The following RANBP17 variants were observed in gnomAD, a reference collection of about 807,000 sequenced individuals.
The protein encoded by RANBP17 is ran-binding protein 17.
In RANBP17, 158 loss-of-function variants were observed where a neutral mutation model predicts 141.2. The ratio of observed to expected loss-of-function variants is 1.12; its 90% confidence interval spans 0.98 to 1.28. RANBP17 has a LOEUF of 1.28. Ranked by LOEUF, RANBP17 falls within the 50% of genes most tolerant of loss-of-function variation. The pLI is 0.00. For synonymous variants in RANBP17, 430 were observed against 450.0 expected (o/e 0.96, Z 0.56); for missense variants, 1,438 against 1,290.7 (o/e 1.11, Z -1.75).
At chr5:171,083,460 G>GTTGT (rs1785392277) in intron 14 of RANBP17, among the ~76,000 whole-genome samples, 1 of 152,152 alleles carries the variant, frequency 6.6e-6, no homozygotes, top group South Asian at 2.1e-4. Flanking sequence ...ATAAATTTCT[G>GTTGT]TTGTTTCTAA....
intron 16 of RANBP17, among the ~76,000 whole-genome samples, chr5:171,180,061 T>A (rs1245922879): frequency 6.6e-6 from 1 of 152,220 alleles, no homozygotes; most frequent in African/African-American, 2.4e-5. Flanking sequence ...CATAACCACA[T>A]GGCTAGAGAC....
chr5:170,891,270 A>G (rs1283532816), intron 3 of RANBP17, among the ~76,000 whole-genome samples: 1 of 152,242 alleles, frequency 6.6e-6, no homozygotes, highest in Non-Finnish European at 1.5e-5. Context: ...GCATAGTACA[A>G]TAAATATGAC....
chr5:170,992,826 T>G (rs1215037581), intron 14 of RANBP17, among the ~76,000 whole-genome samples: 1 of 152,014 alleles, frequency 6.6e-6, no homozygotes, highest in South Asian at 2.1e-4. Context: ...GGCCTCAAAC[T>G]GAGGTCCCAG....
intron 18 of RANBP17, among the ~76,000 whole-genome samples, chr5:171,193,174 C>T (rs1409910121): frequency 1.3e-5 from 2 of 152,178 alleles, no homozygotes; most frequent in African/African-American, 2.4e-5. Context: ...ACCAGAGCTT[C>T]ATTACACCTA....
intron 6 of RANBP17, chr5:170,910,283 A>G (rs1284809438): frequency 6.5e-6 from 1 of 153,192 alleles, no homozygotes; most frequent in African/African-American, 2.4e-5. Flanking sequence ...TGTATAATAT[A>G]GGGACTCCAT....
chr5:171,250,875 A>G (rs1765513774), intron 24 of RANBP17, among the ~76,000 whole-genome samples: 2 of 152,210 alleles, frequency 1.3e-5, no homozygotes, highest in East Asian at 1.9e-4. Context: ...ACTACAATAT[A>G]ATAATAGTGG....
chr5:170,961,447 A>G (rs1319749045), intron 13 of RANBP17, among the ~76,000 whole-genome samples: 2 of 152,228 alleles, frequency 1.3e-5, no homozygotes, highest in Non-Finnish European at 2.9e-5. Flanking sequence ...ATAATTTAAG[A>G]TAAACGAATA....
Position 171,299,565 on chromosome 5 carries a change from CCA to C in RANBP17, c.*708_*709del, listed in dbSNP as rs1396489772. ...TTTCTTCAGGAGGAGTCATGTAGCC[CCA>C]GTCAGAAGTTCTGGGTGGTGCCAGC... On this transcript the variant is annotated 3_prime_UTR_variant, in exon 28 of 28. Transcript: ENST00000523189. 2.2e-5 allele frequency: 5 copies of C among 232,280 alleles called. No individual in the cohort carries two copies. The highest frequency in any genetic ancestry group is 1.1e-4 in the African/African-American group (5 of 45,374). 14.4% of individuals were successfully genotyped at this position (232,280 alleles called of 1,614,324 possible). A position where few individuals can be genotyped will look rare whatever the true frequency, so the allele number is the denominator to read the frequency against.
chr5:171,012,189 T>A (rs1272902871), intron 14 of RANBP17, among the ~76,000 whole-genome samples: 2 of 151,988 alleles, frequency 1.3e-5, no homozygotes, highest in African/African-American at 4.8e-5. Context: ...TAATTCTTAA[T>A]AAATTGTTTT....
intron 14 of RANBP17, among the ~76,000 whole-genome samples, chr5:171,096,109 AG>A (rs1786671266): frequency 6.6e-6 from 1 of 152,156 alleles, no homozygotes; most frequent in African/African-American, 2.4e-5. Flanking sequence ...GTGGAAGGGG[AG>A]GAAGAAGTGG....
At chr5:170,892,338 A>G (rs776167854) in intron 3 of RANBP17, 49 bp from the exon 4 acceptor site, 66 of 1,273,218 alleles carry the variant, frequency 5.2e-5, no homozygotes, top group Admixed American at 1.1e-4. Flanking sequence ...GATTCACACT[A>G]TGTTGTTTCT....
intron 14 of RANBP17, among the ~76,000 whole-genome samples, chr5:171,101,883 C>G (rs549675006): frequency 1.2e-4 from 19 of 152,254 alleles, no homozygotes; most frequent in South Asian, 8.3e-4. Flanking sequence ...GAAATTCTGG[C>G]TTGAAAATTC....
At chr5:170,895,032 C>T (rs540859513) in intron 4 of RANBP17, among the ~76,000 whole-genome samples, 3 of 152,214 alleles carry the variant, frequency 2.0e-5, no homozygotes, top group Non-Finnish European at 4.4e-5. Flanking sequence ...GTCAGGGTAC[C>T]ACACTTTGGG....
At chr5:171,029,974 C>G (rs1223684014) in intron 14 of RANBP17, among the ~76,000 whole-genome samples, 1 of 151,982 alleles carries the variant, frequency 6.6e-6, no homozygotes, top group African/African-American at 2.4e-5. Context: ...TATACCTTGT[C>G]TCTGACTTTC....
At chr5:170,911,526 G>C in intron 7 of RANBP17, 2 of 723,228 alleles carry the variant, frequency 2.8e-6, no homozygotes, top group South Asian at 2.8e-5. Context: ...GCAAAATCTG[G>C]TAATGAAGGT....
At chr5:170,862,178 C>T in intron 1 of RANBP17, 127 bp downstream of exon 1, 5 of 957,896 alleles carry the variant, frequency 5.2e-6, no homozygotes, top group Non-Finnish European at 4.2e-6. Flanking sequence ...CCCCGGAGTC[C>T]CAGCCCCTGC....
chr5:171,186,526 C>CT (rs757585137), intron 18 of RANBP17, among the ~76,000 whole-genome samples: 8,504 of 41,208 alleles, frequency 0.21, 3,310 homozygotes, highest in African/African-American at 0.36. Flanking sequence ...GTATGATTTT[C>CT]TTTTTTTTTT....
intron 11 of RANBP17, among the ~76,000 whole-genome samples, chr5:170,920,369 G>A (rs557513170): frequency 7.2e-5 from 11 of 152,216 alleles, no homozygotes; most frequent in African/African-American, 2.6e-4. Context: ...TAATAACTAT[G>A]TAGTGGTACC....
chr5:171,099,931 C>A (rs1239524447), intron 14 of RANBP17, among the ~76,000 whole-genome samples: 1 of 152,194 alleles, frequency 6.6e-6, no homozygotes, highest in East Asian at 1.9e-4. Flanking sequence ...GTTGAACCAG[C>A]CTTGCTTCCC....
Sources: allele counts gnomAD v4.1 joint callset (sites outside exome capture counted in the v4.1 genomes callset), GRCh38; gene constraint gnomAD v4.1.1; transcripts MANE v1.5; gene names NCBI Gene and HGNC (gene_info 2026-07-23, HGNC 2026-07-21).